FAM20B: variants seen among roughly 807,000 people sequenced by gnomAD.
FAM20B encodes the protein FAM20B glycosaminoglycan xylosylkinase.
Under a neutral mutation model 43.8 loss-of-function variants are expected in FAM20B, and 23 were observed. That is an observed-to-expected ratio of 0.53 (90% CI 0.38 to 0.74). The LOEUF is 0.74. FAM20B is among the 30% of genes least tolerant of loss of function. The pLI is 0.00. For missense variants in FAM20B, 440 were observed against 510.5 expected (o/e 0.86, Z 1.33); for synonymous variants, 178 against 192.4 (o/e 0.93, Z 0.62).
intron 1 of FAM20B, chr1:179,035,484 G>A (rs1047093329): frequency 1.2e-5 from 8 of 691,330 alleles, no homozygotes; most frequent in Admixed American, 3.6e-5. Flanking sequence ...CATTGAAGAC[G>A]CTGCTTCAGA....
In FAM20B at chr1:179,074,404, T is replaced by G. The variant is rs3766626; in HGVS notation, c.*2260T>G. 107,521 of 152,512 alleles carry G rather than the reference T, an allele frequency of 0.7. 39,108 individuals carry two copies. The highest frequency in any genetic ancestry group is 0.88 in the African/African-American group (36,689 of 41,512). The allele number at this position is 152,512 out of a possible 1,614,324, so 9.4% of individuals were successfully genotyped here. A position where few individuals can be genotyped will look rare whatever the true frequency, so the allele number is the denominator to read the frequency against. ...GAGGAGACAATAGGAAGAGATGTCA[T>G]CTCTGCTCTCCCTGTAAATGTTAGT... On this transcript the variant is annotated 3_prime_UTR_variant, in exon 8 of 8. Coordinates refer to ENST00000263733, the MANE Select transcript of FAM20B (RefSeq NM_014864.4).
intron 2 of FAM20B, 63 bp downstream of exon 2, chr1:179,044,287 A>G (rs185919792): frequency 1.6e-5 from 24 of 1,512,454 alleles, no homozygotes; most frequent in Middle Eastern, 3.6e-4. Context: ...TGGGATTTAT[A>G]TAAGATTTAT....
At position 179,076,219 on chromosome 1, in the gene FAM20B, G is replaced by A. The variant is rs1652122751; in HGVS notation, c.*4075G>A. The A allele has an allele frequency of 1.3e-5, 2 of 152,272 alleles. No homozygotes were observed. Among genetic ancestry groups the A allele is most frequent in the Non-Finnish European group, 2.9e-5 (2 of 68,060 alleles). The allele number at this position is 152,272 out of a possible 1,614,324, so 9.4% of individuals were successfully genotyped here. On this transcript the variant is annotated 3_prime_UTR_variant, in exon 8 of 8. Transcript: ENST00000263733. Reference sequence around the variant, plus strand: ...TTGGGAAACTCATCCTACAGGGGAAGGCCAGTTTTTTTCCCTTCAATTCCT... The same window carrying A: ...TTGGGAAACTCATCCTACAGGGGAAAGCCAGTTTTTTTCCCTTCAATTCCT...
intron 7 of FAM20B, among the ~76,000 whole-genome samples, chr1:179,068,658 ACTC>A (rs1183174422): frequency 4.0e-5 from 6 of 151,676 alleles, no homozygotes; most frequent in Admixed American, 3.3e-4. Flanking sequence ...CTGGTCTAGA[ACTC>A]CTGACCTTGT....
intron 1 of FAM20B, among the ~76,000 whole-genome samples, chr1:179,041,290 G>C (rs1226631762): frequency 6.6e-6 from 1 of 152,236 alleles, no homozygotes; most frequent in Non-Finnish European, 1.5e-5. Context: ...GGCCTTTTGG[G>C]AGGCCAAGGC....
At position 179,054,523 on chromosome 1, in the gene FAM20B, A is replaced by T; in HGVS notation, c.465-6A>T. ...TTCTCTTCTGTTCTTCAATCTTCCA[A>T]ACCAGGATTCTGGGTTTCCACCGAG... On this transcript the variant is annotated splice_region_variant and splice_polypyrimidine_tract_variant and intron_variant, in intron 3 of 7. Transcript: ENST00000263733. 6.3e-7 allele frequency: 1 copy of T among 1,595,074 alleles called. No individual in the cohort carries two copies. Among genetic ancestry groups the T allele is most frequent in the Non-Finnish European group, 8.6e-7 (1 of 1,163,364 alleles).
At chr1:179,033,693 T>C (rs1650099658) in intron 1 of FAM20B, among the ~76,000 whole-genome samples, 1 of 152,150 alleles carries the variant, frequency 6.6e-6, no homozygotes, top group African/African-American at 2.4e-5. Flanking sequence ...TTCTTTCTTT[T>C]TCTTTTTCTT....
At chr1:179,053,752 C>T (rs1340429249) in intron 3 of FAM20B, among the ~76,000 whole-genome samples, 1 of 152,082 alleles carries the variant, frequency 6.6e-6, no homozygotes, top group Non-Finnish European at 1.5e-5. Flanking sequence ...GAGTACAAAG[C>T]AAGATATAAA....
the FAM20B span, among the ~76,000 whole-genome samples, chr1:179,020,152 T>C: frequency 2.7e-5 from 3 of 112,372 alleles, no homozygotes; most frequent in Non-Finnish European, 5.3e-5. Flanking sequence ...TATGTGTGTG[T>C]ATACACACAC....
chr1:179,065,703 T>C (rs925262020), intron 6 of FAM20B, among the ~76,000 whole-genome samples: 1 of 152,192 alleles, frequency 6.6e-6, no homozygotes, highest in African/African-American at 2.4e-5. Flanking sequence ...GCAAAGCACA[T>C]AGCACTCATC....
chr1:179,060,159 C>T (rs936386969), intron 4 of FAM20B, among the ~76,000 whole-genome samples: 5 of 151,992 alleles, frequency 3.3e-5, no homozygotes, highest in African/African-American at 1.2e-4. Flanking sequence ...CATACTTCTG[C>T]ATCTTACTTT....
At chr1:179,049,192 T>A (rs990273717) in intron 2 of FAM20B, among the ~76,000 whole-genome samples, 1 of 152,200 alleles carries the variant, frequency 6.6e-6, no homozygotes, top group Non-Finnish European at 1.5e-5. Context: ...GTCATACATG[T>A]GATAGAAAAT....
chr1:179,052,292 G>A (rs1651039022), intron 3 of FAM20B, among the ~76,000 whole-genome samples: 1 of 152,096 alleles, frequency 6.6e-6, no homozygotes, highest in African/African-American at 2.4e-5. Flanking sequence ...AATATGTGGG[G>A]TGGGGGGAGG....
At chr1:179,020,317 A>C in the FAM20B span, among the ~76,000 whole-genome samples, 1 of 152,158 alleles carries the variant, frequency 6.6e-6, no homozygotes, top group Non-Finnish European at 1.5e-5. Context: ...TGACAGCCAC[A>C]GGCTTCTGTA....
At chr1:179,025,109 G>T (rs763735693), upstream of FAM20B, among the ~76,000 whole-genome samples, 9 of 152,136 alleles carry the variant, frequency 5.9e-5, no homozygotes, top group Non-Finnish European at 1.3e-4. Flanking sequence ...ACACAGTGGC[G>T]GCTCTGTATA....
chr1:179,046,388 C>T (rs557304810), intron 2 of FAM20B, among the ~76,000 whole-genome samples: 3 of 152,216 alleles, frequency 2.0e-5, no homozygotes, highest in South Asian at 2.1e-4. Flanking sequence ...CGGTGGCTCA[C>T]GCCTGTAATC....
chr1:179,062,117 C>T (rs1651488916), intron 4 of FAM20B, among the ~76,000 whole-genome samples: 1 of 152,040 alleles, frequency 6.6e-6, no homozygotes. Context: ...AGCGATCCTC[C>T]TGCCTCAGCC....
At chr1:179,046,841 A>G (rs977940474) in intron 2 of FAM20B, among the ~76,000 whole-genome samples, 16 of 151,980 alleles carry the variant, frequency 1.1e-4, no homozygotes, top group Non-Finnish European at 2.9e-5. Context: ...CGTTTCTACT[A>G]AAAATACAAA....
At position 179,076,205 on chromosome 1, in the gene FAM20B, A is replaced by G. The variant is rs530920451; in HGVS notation, c.*4061A>G. 13 of 152,274 alleles carry G rather than the reference A, an allele frequency of 8.5e-5. No individual in the cohort carries two copies. In the South Asian group the frequency reaches 1.5e-3, roughly 17 times the overall value. 9.4% of individuals were successfully genotyped at this position (152,274 alleles called of 1,614,324 possible). Reference sequence around the variant, plus strand: ...AGGCACATCTGGCCTTGGGAAACTCATCCTACAGGGGAAGGCCAGTTTTTT... The same window carrying G: ...AGGCACATCTGGCCTTGGGAAACTCGTCCTACAGGGGAAGGCCAGTTTTTT... On this transcript the variant is annotated 3_prime_UTR_variant, in exon 8 of 8. Coordinates refer to ENST00000263733, the MANE Select transcript of FAM20B (RefSeq NM_014864.4).
Sources: allele counts gnomAD v4.1 joint callset (sites outside exome capture counted in the v4.1 genomes callset), GRCh38; gene constraint gnomAD v4.1.1; transcripts MANE v1.5; gene names NCBI Gene and HGNC (gene_info 2026-07-23, HGNC 2026-07-21).